APBA1: variants seen among roughly 807,000 people sequenced by gnomAD.
The protein encoded by APBA1 is amyloid-beta A4 precursor protein-binding family A member 1.
A neutral mutation model predicts 86.6 loss-of-function variants in APBA1; 55 were observed. That is an observed-to-expected ratio of 0.64 (90% confidence interval 0.51 to 0.80). The LOEUF (loss-of-function observed/expected upper bound fraction) is 0.80, where lower values mean the gene tolerates loss of function less well. APBA1 is among the 30% of genes least tolerant of loss of function. The pLI is 0.00. For missense variants in APBA1, 1,090 were observed against 1,183.0 expected, an observed-to-expected ratio of 0.92 and a Z score of 1.15; for synonymous variants, 511 against 493.9, an observed-to-expected ratio of 1.03 and a Z score of -0.46.
intron 2 of APBA1, among the ~76,000 whole-genome samples, chr9:69,512,053 C>T (rs1160833322): frequency 6.7e-6 from 1 of 148,990 alleles, no homozygotes; most frequent in Non-Finnish European, 1.5e-5. Context: ...TGCACATGTA[C>T]CCTAAAACTT....
At chr9:69,652,939 G>A (rs887613723) in intron 1 of APBA1, among the ~76,000 whole-genome samples, 1 of 151,908 alleles carries the variant, frequency 6.6e-6, no homozygotes, top group Non-Finnish European at 1.5e-5. Context: ...GAAGGTTGCA[G>A]TGAGCTGAGA....
At chr9:69,621,508 T>C (rs540470296) in intron 1 of APBA1, among the ~76,000 whole-genome samples, 18 of 152,326 alleles carry the variant, frequency 1.2e-4, no homozygotes, top group Admixed American at 3.9e-4. Context: ...GCTGAGTGCA[T>C]GGCTCTTGAG....
At chr9:69,669,128 G>C (rs1038268907) in intron 1 of APBA1, among the ~76,000 whole-genome samples, 2 of 152,188 alleles carry the variant, frequency 1.3e-5, no homozygotes, top group African/African-American at 4.8e-5. Flanking sequence ...CAGTGGATCT[G>C]AGATGCGGGA....
At chr9:69,623,620 G>A (rs1164674187) in intron 1 of APBA1, among the ~76,000 whole-genome samples, 3 of 152,124 alleles carry the variant, frequency 2.0e-5, no homozygotes, top group Non-Finnish European at 2.9e-5. Flanking sequence ...CAATTTTAAT[G>A]CATATAAAAA....
chr9:69,641,810 T>G lies in APBA1; in HGVS notation c.-70+30343A>C, dbSNP rs559431324. Among the ~76,000 whole-genome samples the G allele has an allele frequency of 2.6e-5, 4 of 152,322 alleles. No homozygotes were observed. The South Asian group carries it at 8.3e-4, about 32-fold the overall frequency. ...GAAGAAAACATAGCAGAAAAATCTT[T>G]GTAACTTTGGGCTAGGTGAAGATTT... On this transcript the variant is annotated intron_variant, in intron 1 of 12. Transcript: ENST00000265381.
chr9:69,435,468 CTT>C (rs1834692193), intron 11 of APBA1, among the ~76,000 whole-genome samples: 1 of 152,048 alleles, frequency 6.6e-6, no homozygotes, highest in South Asian at 2.1e-4. Context: ...TGTTTCCTGA[CTT>C]TTTAATGATC....
chr9:69,597,165 T>C (rs1348406274), intron 1 of APBA1, among the ~76,000 whole-genome samples: 1 of 152,236 alleles, frequency 6.6e-6, no homozygotes, highest in Non-Finnish European at 1.5e-5. Flanking sequence ...CTCCACATCC[T>C]CTCCAGCACC....
intron 1 of APBA1, among the ~76,000 whole-genome samples, chr9:69,640,088 G>C (rs1823256248): frequency 6.6e-6 from 1 of 152,004 alleles, no homozygotes; most frequent in South Asian, 2.1e-4. Context: ...AAATTACTAA[G>C]GGAAAAGACA....
chr9:69,501,727 T>C (rs1051461584), intron 2 of APBA1, among the ~76,000 whole-genome samples: 6 of 151,282 alleles, frequency 4.0e-5, no homozygotes, highest in East Asian at 3.9e-4. Flanking sequence ...AGTAGGTAGG[T>C]TGAGGCAGGA....
At chr9:69,562,035 AT>A (rs1669455992) in intron 1 of APBA1, among the ~76,000 whole-genome samples, 1 of 151,700 alleles carries the variant, frequency 6.6e-6, no homozygotes, top group Non-Finnish European at 1.5e-5. Context: ...ATTTTAATTC[AT>A]TTTTTCATTA....
chr9:69,617,422 T>C (rs1016735463), intron 1 of APBA1, among the ~76,000 whole-genome samples: 1 of 152,162 alleles, frequency 6.6e-6, no homozygotes, highest in African/African-American at 2.4e-5. Context: ...ACTAGGCAAC[T>C]ATATTTATCC....
chr9:69,543,604 C>T (rs771709615), intron 1 of APBA1, among the ~76,000 whole-genome samples: 8 of 152,000 alleles, frequency 5.3e-5, no homozygotes, highest in East Asian at 1.9e-4. Context: ...CTCTTCTATG[C>T]GCTTAAATAT....
At chr9:69,474,685 G>A (rs1224313735) in intron 3 of APBA1, among the ~76,000 whole-genome samples, 1 of 152,188 alleles carries the variant, frequency 6.6e-6, no homozygotes, top group East Asian at 1.9e-4. Context: ...GGAGACCAAA[G>A]TATATTTCTA....
At chr9:69,446,789 C>A (rs1365228722) in intron 10 of APBA1, among the ~76,000 whole-genome samples, 1 of 152,184 alleles carries the variant, frequency 6.6e-6, no homozygotes, top group South Asian at 2.1e-4. Context: ...TGCTGTCCCC[C>A]TTGTGGGCTG....
intron 1 of APBA1, among the ~76,000 whole-genome samples, chr9:69,565,962 C>T (rs1466652442): frequency 6.6e-6 from 1 of 152,232 alleles, no homozygotes; most frequent in Admixed American, 6.5e-5. Flanking sequence ...GGCCTCAAGG[C>T]CTGCCTGCTC....
intron 2 of APBA1, among the ~76,000 whole-genome samples, chr9:69,493,374 C>T (rs1835743972): frequency 6.6e-6 from 1 of 151,996 alleles, no homozygotes; most frequent in Non-Finnish European, 1.5e-5. Flanking sequence ...GTTTATGCTC[C>T]TGTCTGAACT....
intron 1 of APBA1, among the ~76,000 whole-genome samples, chr9:69,663,128 A>G (rs1016850123): frequency 6.6e-6 from 1 of 152,260 alleles, no homozygotes; most frequent in African/African-American, 2.4e-5. Context: ...GGGTTCACCA[A>G]TGCAGAGATT....
chr9:69,599,222 C>T (rs1016050347), intron 1 of APBA1, among the ~76,000 whole-genome samples: 4 of 152,092 alleles, frequency 2.6e-5, no homozygotes, highest in African/African-American at 7.2e-5. Context: ...ATATATTTAC[C>T]GCAATTTTAA....
intron 1 of APBA1, among the ~76,000 whole-genome samples, chr9:69,538,159 A>G (rs967272794): frequency 5.9e-5 from 9 of 152,232 alleles, no homozygotes; most frequent in Admixed American, 2.0e-4. Context: ...TTCCCCAGTT[A>G]TCCATGTTTC....
Sources: allele counts gnomAD v4.1 joint callset (sites outside exome capture counted in the v4.1 genomes callset), GRCh38; gene constraint gnomAD v4.1.1; transcripts MANE v1.5; gene names NCBI Gene and HGNC (gene_info 2026-07-23, HGNC 2026-07-21).